TNFAIP8L3: variants seen among roughly 807,000 people sequenced by gnomAD.
TNFAIP8L3 encodes tumor necrosis factor alpha-induced protein 8-like protein 3.
In TNFAIP8L3, 7 loss-of-function variants were observed where a neutral mutation model predicts 11.8. The observed-to-expected ratio is 0.59, with a 90% CI of 0.34 to 1.11. The LOEUF is 1.11. Among genes scored for constraint, TNFAIP8L3 ranks in the 50% most tolerant of loss-of-function variants. The probability of loss-of-function intolerance (pLI) is 0.03; values close to 1 mark genes in which losing one functional copy is unlikely to be tolerated. For missense variants in TNFAIP8L3, 219 were observed against 258.6 expected (o/e 0.85, Z 1.05); for synonymous variants, 98 against 103.8 (o/e 0.94, Z 0.34).
intron 1 of TNFAIP8L3, among the ~76,000 whole-genome samples, chr15:51,062,797 TGGTAG>T (rs1183349846): frequency 3.3e-5 from 5 of 152,336 alleles, no homozygotes; most frequent in Non-Finnish European, 5.9e-5. Flanking sequence ...GAAGTGGGTG[TGGTAG>T]GCAGACTAAT....
intron 1 of TNFAIP8L3, among the ~76,000 whole-genome samples, chr15:51,082,187 A>T (rs890408689): frequency 2.6e-5 from 4 of 152,212 alleles, no homozygotes; most frequent in Non-Finnish European, 5.9e-5. Context: ...CATACGGTGT[A>T]CTTATACAAA....
At chr15:51,072,983 T>C (rs1476758374) in intron 1 of TNFAIP8L3, among the ~76,000 whole-genome samples, 2 of 116,096 alleles carry the variant, frequency 1.7e-5, no homozygotes, top group East Asian at 2.9e-4. Flanking sequence ...TGAAGTAAAC[T>C]GGGATCCTTT....
chr15:51,083,194 G>A (rs2065404456), intron 1 of TNFAIP8L3, among the ~76,000 whole-genome samples: 1 of 152,098 alleles, frequency 6.6e-6, no homozygotes, highest in African/African-American at 2.4e-5. Flanking sequence ...GCTTCAAGAT[G>A]CACAAGGAAT....
intron 1 of TNFAIP8L3, among the ~76,000 whole-genome samples, chr15:51,100,317 G>C (rs909079196): frequency 6.6e-6 from 1 of 152,096 alleles, no homozygotes; most frequent in African/African-American, 2.4e-5. Flanking sequence ...TCATGGCTTT[G>C]AGTTACCTAG....
intron 1 of TNFAIP8L3, among the ~76,000 whole-genome samples, chr15:51,103,659 AGTT>A (rs2065569322): frequency 6.6e-6 from 1 of 152,188 alleles, no homozygotes; most frequent in African/African-American, 2.4e-5. Context: ...ATTTCCAGTT[AGTT>A]GTACTGTGAA....
At chr15:51,065,961 C>T (rs1268118569) in intron 1 of TNFAIP8L3, among the ~76,000 whole-genome samples, 1 of 151,602 alleles carries the variant, frequency 6.6e-6, no homozygotes, top group African/African-American at 2.4e-5. Context: ...ACCCAAAAGA[C>T]AGGGAAGGTG....
chr15:51,058,202 G>A lies in TNFAIP8L3; in HGVS notation c.294C>T (p.Ser98=). ...IGILYRNNQF[S]QEELVIVEKF... The stretch of plus-strand genomic sequence containing the variant: ...TCTCCACAATAACCAGCTCCTCTTG[G>A]CTAAACTGGTTGTTCCGGTAGAGGA... Residue 98 remains serine (S), a synonymous_variant, in exon 2 of 2, where the codon AGC becomes AGT. Coordinates refer to ENST00000637513, the MANE Select transcript of TNFAIP8L3 (RefSeq NM_001311175.2). The A allele has an allele frequency of 1.2e-6, 2 of 1,614,154 alleles. No homozygotes were observed. Among genetic ancestry groups the A allele is most frequent in the Non-Finnish European group, 1.7e-6 (2 of 1,180,036 alleles).
At chr15:51,086,952 G>A (rs769276411) in intron 1 of TNFAIP8L3, among the ~76,000 whole-genome samples, 2 of 151,328 alleles carry the variant, frequency 1.3e-5, no homozygotes, top group Non-Finnish European at 2.9e-5. Flanking sequence ...GCAGTGGCAC[G>A]ATCTAGGCTC....
At chr15:51,090,556 C>T (rs994616842) in intron 1 of TNFAIP8L3, among the ~76,000 whole-genome samples, 4 of 152,154 alleles carry the variant, frequency 2.6e-5, no homozygotes, top group African/African-American at 9.7e-5. Context: ...CTCTAGCTGC[C>T]TTCCTGTTTA....
At chr15:51,066,825 C>A (rs1380385549) in intron 1 of TNFAIP8L3, among the ~76,000 whole-genome samples, 1 of 152,194 alleles carries the variant, frequency 6.6e-6, no homozygotes, top group Non-Finnish European at 1.5e-5. Context: ...AAATGTGAAC[C>A]TAATACAGTT....
chr15:51,061,891 G>T (rs1348580486), intron 1 of TNFAIP8L3, among the ~76,000 whole-genome samples: 1 of 152,122 alleles, frequency 6.6e-6, no homozygotes, highest in Non-Finnish European at 1.5e-5. Context: ...GGTGAGGTAT[G>T]GTGTCTTACC....
intron 1 of TNFAIP8L3, among the ~76,000 whole-genome samples, chr15:51,061,284 A>G (rs961279335): frequency 6.6e-6 from 1 of 152,210 alleles, no homozygotes; most frequent in Non-Finnish European, 1.5e-5. Context: ...GACTACAGGA[A>G]TGTACACTGT....
chr15:51,060,612 C>A (rs190216806), intron 1 of TNFAIP8L3, among the ~76,000 whole-genome samples: 8 of 152,324 alleles, frequency 5.3e-5, no homozygotes, highest in African/African-American at 1.9e-4. Context: ...AGCCTGATTA[C>A]CCCCAATGCC....
intron 1 of TNFAIP8L3, among the ~76,000 whole-genome samples, chr15:51,087,403 G>C (rs934413310): frequency 3.9e-5 from 6 of 152,158 alleles, no homozygotes; most frequent in Non-Finnish European, 8.8e-5. Context: ...AGGAGTGTGG[G>C]ATGTGTGTGC....
intron 1 of TNFAIP8L3, among the ~76,000 whole-genome samples, chr15:51,087,174 T>C (rs536528279): frequency 3.0e-4 from 46 of 152,276 alleles, no homozygotes; most frequent in African/African-American, 1.1e-3. Context: ...AGCTCACAAT[T>C]TCTTAAACCC....
intron 1 of TNFAIP8L3, among the ~76,000 whole-genome samples, chr15:51,087,918 T>TA (rs1453215042): frequency 6.5e-5 from 4 of 61,326 alleles, no homozygotes; most frequent in Non-Finnish European, 1.2e-4. Context: ...CTAGCATACC[T>TA]TTATATATAT....
At chr15:51,097,855 G>GT (rs994760095), upstream of TNFAIP8L3, among the ~76,000 whole-genome samples, 12 of 45,834 alleles carry the variant, frequency 2.6e-4, no homozygotes, top group South Asian at 1.2e-3. Context: ...TATTTCTTGT[G>GT]GGGGGGGAAA....
chr15:51,091,686 A>G (rs1421547475), intron 1 of TNFAIP8L3, among the ~76,000 whole-genome samples: 1 of 142,074 alleles, frequency 7.0e-6, no homozygotes, highest in Non-Finnish European at 1.6e-5. Flanking sequence ...GCACACACAC[A>G]CACACACACA....
chr15:51,094,093 C>T lies in TNFAIP8L3; in HGVS notation c.52+451G>A, dbSNP rs1164806377. Reference sequence around the variant, plus strand: ...GTTTGACCCCTGCCCCAACCACTCGCGAGGCCTTTTCTGTTCAGAGCCCCC... The same window carrying T: ...GTTTGACCCCTGCCCCAACCACTCGTGAGGCCTTTTCTGTTCAGAGCCCCC... On this transcript the variant is annotated intron_variant, in intron 1 of 1. Coordinates refer to ENST00000637513, the MANE Select transcript of TNFAIP8L3 (RefSeq NM_001311175.2). The surrounding 1 kb of genome is among the most constrained non-coding windows in gnomAD (Gnocchi z 4.4). Among the ~76,000 whole-genome samples, 5 of 152,174 alleles carry T rather than the reference C, an allele frequency of 3.3e-5. No homozygotes were observed. Among genetic ancestry groups the T allele is most frequent in the African/African-American group, 1.2e-4 (5 of 41,458 alleles).
Sources: gnomAD v4.1 joint callset for allele counts (sites outside exome capture counted in the v4.1 genomes callset) on GRCh38, gnomAD v4.1.1 for gene constraint, Gnocchi (gnomAD v3.1) non-coding constraint, MANE v1.5 for transcripts, NCBI Gene and HGNC (gene_info 2026-07-23, HGNC 2026-07-21) for gene names.